Variants in RAPGEF6 observed in about 807,000 individuals in gnomAD.
The protein encoded by RAPGEF6 is Rap guanine nucleotide exchange factor 6.
Under a neutral mutation model 171.4 loss-of-function variants are expected in RAPGEF6, and 56 were observed. The ratio of observed to expected loss-of-function variants is 0.33; its 90% CI spans 0.26 to 0.41. The LOEUF (loss-of-function observed/expected upper bound fraction) is 0.41, where lower values mean the gene tolerates loss of function less well. RAPGEF6 is among the 10% of genes least tolerant of loss of function. The pLI is 1.00. For missense variants in RAPGEF6, 1,674 were observed against 1,921.4 expected, an observed-to-expected ratio of 0.87 and a Z score of 2.41; for synonymous variants, 692 against 650.1, an observed-to-expected ratio of 1.06 and a Z score of -0.98.
intron 1 of RAPGEF6, among the ~76,000 whole-genome samples, chr5:131,613,727 C>T (rs1481095498): frequency 1.3e-5 from 2 of 152,024 alleles, no homozygotes; most frequent in Non-Finnish European, 2.9e-5. Flanking sequence ...TGAATGAGCT[C>T]CTCTCTGACA....
chr5:131,629,258 T>C (rs983955881), intron 1 of RAPGEF6, among the ~76,000 whole-genome samples: 1 of 151,882 alleles, frequency 6.6e-6, no homozygotes, highest in East Asian at 1.9e-4. Context: ...GGTGGGAGGA[T>C]CACTTGAGCC....
At chr5:131,623,613 G>A (rs188355720) in intron 1 of RAPGEF6, among the ~76,000 whole-genome samples, 2 of 150,362 alleles carry the variant, frequency 1.3e-5, no homozygotes, top group East Asian at 2.0e-4. Flanking sequence ...GGCCTCCCAA[G>A]TAGATGGGAT....
chr5:131,565,525 G>T (rs1465573333), intron 4 of RAPGEF6, among the ~76,000 whole-genome samples: 1 of 152,164 alleles, frequency 6.6e-6, no homozygotes, highest in Non-Finnish European at 1.5e-5. Flanking sequence ...GAATTGTAAA[G>T]AGCCTAAAAT....
chr5:131,564,537 C>A lies in RAPGEF6; in HGVS notation c.282-2490G>T, dbSNP rs546389746. Among the ~76,000 whole-genome samples, 4 of 152,168 alleles carry A rather than the reference C, an allele frequency of 2.6e-5. No individual in the cohort carries two copies. The East Asian group carries it at 7.7e-4, about 29-fold the overall frequency. On this transcript the variant is annotated intron_variant, in intron 4 of 27. Coordinates refer to ENST00000509018, the MANE Select transcript of RAPGEF6 (RefSeq NM_016340.6). ...AGCTAGACTATACGTTAGAACAAAACCCAATACCACCTAAAGAGATGCAAA... is the reference window on the plus strand; with the variant it reads ...AGCTAGACTATACGTTAGAACAAAAACCAATACCACCTAAAGAGATGCAAA...
At chr5:131,464,443 C>A in intron 17 of RAPGEF6, 162 bp from the exon 18 acceptor site, 2 of 586,132 alleles carry the variant, frequency 3.4e-6, no homozygotes, top group Non-Finnish European at 5.8e-6. Context: ...ATAAATATAT[C>A]CTTTTTTTTT....
chr5:131,544,626 A>G (rs1221672093), intron 6 of RAPGEF6, among the ~76,000 whole-genome samples: 1 of 152,218 alleles, frequency 6.6e-6, no homozygotes, highest in Non-Finnish European at 1.5e-5. Context: ...GAATACGGTG[A>G]TGGTTTCAAA....
chr5:131,564,610 C>A (rs1453028829), intron 4 of RAPGEF6, among the ~76,000 whole-genome samples: 1 of 151,960 alleles, frequency 6.6e-6, no homozygotes, highest in African/African-American at 2.4e-5. Flanking sequence ...AATAAAGAAA[C>A]AAGCAACAAC....
Position 131,495,665 on chromosome 5 carries a change from G to GT in RAPGEF6, c.1420-6_1420-5insA. 1 of 1,609,934 alleles carries GT rather than the reference G, an allele frequency of 6.2e-7. No individual in the cohort carries two copies. The highest frequency in any genetic ancestry group is 8.5e-7 in the Non-Finnish European group (1 of 1,177,760). ...TAATAATACAATCCGTGTCACCTGT[G>GT]GAAACATAAAAGAGGCAGCATATGG... On this transcript the variant is annotated splice_polypyrimidine_tract_variant and splice_region_variant and intron_variant, in intron 12 of 27. Coordinates refer to ENST00000509018, the MANE Select transcript of RAPGEF6 (RefSeq NM_016340.6).
intron 22 of RAPGEF6, among the ~76,000 whole-genome samples, chr5:131,444,731 G>T (rs532350593): frequency 9.1e-4 from 139 of 152,262 alleles, no homozygotes; most frequent in Non-Finnish European, 1.6e-3. Context: ...TGGGGTGGGT[G>T]TAAGAAGAGG....
intron 9 of RAPGEF6, 123 bp from the exon 10 acceptor site, chr5:131,505,645 T>C: frequency 7.2e-6 from 6 of 828,234 alleles, no homozygotes; most frequent in Non-Finnish European, 1.1e-5. Flanking sequence ...TCTGGTTATA[T>C]TACCAAACAC....
intron 26 of RAPGEF6, among the ~76,000 whole-genome samples, 197 bp from the exon 27 acceptor site, chr5:131,429,413 AT>A (rs1751563727): frequency 6.6e-6 from 1 of 152,222 alleles, no homozygotes; most frequent in Admixed American, 6.5e-5. Context: ...AAACAACTAT[AT>A]TAAGTCCTGT....
At position 131,499,127 on chromosome 5, in the gene RAPGEF6, A is replaced by G. The variant is rs146975231; in HGVS notation, c.1255-520T>C. 6.4e-3 allele frequency among the ~76,000 whole-genome samples: 978 copies of G among 152,330 alleles called. 7 individuals are homozygous for G. The highest frequency in any genetic ancestry group is 0.022 in the African/African-American group (928 of 41,570). ...ACACCAGTTCAAGAGAGCCTGTTTCATTATTGTTACTTCCCAGAATAAATA... is the reference window on the plus strand; with the variant it reads ...ACACCAGTTCAAGAGAGCCTGTTTCGTTATTGTTACTTCCCAGAATAAATA... On this transcript the variant is annotated intron_variant, in intron 11 of 27. Coordinates refer to ENST00000509018, the MANE Select transcript of RAPGEF6 (RefSeq NM_016340.6).
chr5:131,593,091 T>C (rs921031199), intron 3 of RAPGEF6, among the ~76,000 whole-genome samples: 1 of 152,182 alleles, frequency 6.6e-6, no homozygotes, highest in Non-Finnish European at 1.5e-5. Flanking sequence ...GAGTCACTAG[T>C]AAACAGAAAA....
At chr5:131,505,931 T>C (rs1466085130) in intron 9 of RAPGEF6, among the ~76,000 whole-genome samples, 2 of 152,182 alleles carry the variant, frequency 1.3e-5, no homozygotes, top group Non-Finnish European at 2.9e-5. Flanking sequence ...ATTATGTTAA[T>C]TAAATGAGTT....
intron 4 of RAPGEF6, among the ~76,000 whole-genome samples, chr5:131,567,362 A>C (rs1319509956): frequency 3.9e-5 from 6 of 152,148 alleles, no homozygotes; most frequent in African/African-American, 1.4e-4. Flanking sequence ...TTCATTCTTA[A>C]GATGACTAGA....
intron 5 of RAPGEF6, among the ~76,000 whole-genome samples, chr5:131,556,198 G>A (rs936479376): frequency 1.3e-5 from 2 of 152,170 alleles, no homozygotes; most frequent in Non-Finnish European, 2.9e-5. Context: ...CCAGCACTTC[G>A]GGAGGCCGAG....
At chr5:131,486,251 G>C (rs1387817579) in intron 15 of RAPGEF6, among the ~76,000 whole-genome samples, 1 of 152,184 alleles carries the variant, frequency 6.6e-6, no homozygotes, top group Non-Finnish European at 1.5e-5. Flanking sequence ...AATGGCCCTG[G>C]AAAAAGAGAC....
In RAPGEF6 at chr5:131,436,025, T is replaced by A. The variant is rs1193144596; in HGVS notation, c.3746-2367A>T. 3.3e-6 allele frequency: 5 copies of A among 1,536,958 alleles called. No homozygotes were observed. In the Admixed American group the frequency reaches 7.8e-5, roughly 24 times the overall value. On this transcript the variant is annotated intron_variant, in intron 24 of 27. Transcript: ENST00000509018. ...AAAGTGTTACTGTTGCCTTGGCTAT[T>A]TGAATTGAAGATGGCACTCCCTTTC...
intron 1 of RAPGEF6, among the ~76,000 whole-genome samples, chr5:131,610,717 T>C (rs929012436): frequency 6.6e-6 from 1 of 152,120 alleles, no homozygotes; most frequent in Non-Finnish European, 1.5e-5. Flanking sequence ...AGATCAACCA[T>C]ACAGGGGCTA....
Sources: allele counts gnomAD v4.1 joint callset (sites outside exome capture counted in the v4.1 genomes callset), GRCh38; gene constraint gnomAD v4.1.1; transcripts MANE v1.5; gene names NCBI Gene and HGNC (gene_info 2026-07-23, HGNC 2026-07-21).